The following EYS variants were observed in gnomAD, a reference collection of about 807,000 sequenced individuals.
EYS encodes the protein EGF-like photoreceptor maintenance factor, also known as protein eyes shut homolog.
EYS carries 250 observed loss-of-function variants against 282.1 expected under a neutral mutation model. The ratio of observed to expected loss-of-function variants is 0.89; its 90% CI spans 0.80 to 0.98. The LOEUF is 0.98. Ranked by LOEUF, EYS falls within the 50% of genes least tolerant of loss-of-function variation. The pLI is 0.00. For synonymous variants in EYS, 1,355 were observed against 1,282.9 expected (o/e 1.06, Z -1.20); for missense variants, 4,016 against 3,709.0 (o/e 1.08, Z -2.15).
chr6:65,319,178 G>T (rs1769398861), intron 11 of EYS, among the ~76,000 whole-genome samples: 1 of 98,222 alleles, frequency 1.0e-5, no homozygotes, highest in Non-Finnish European at 1.9e-5. Context: ...GGCCAACATG[G>T]CAAAACCCCG....
At position 65,655,954 on chromosome 6, in the gene EYS, A is replaced by T. The variant is rs187152719; in HGVS notation, c.-447-16062T>A. Among the ~76,000 whole-genome samples, 107 of 151,986 alleles carry T rather than the reference A, an allele frequency of 7.0e-4. 1 individual carries two copies. Among genetic ancestry groups the T allele is most frequent in the Admixed American group, 2.4e-3 (36 of 15,218 alleles). The stretch of plus-strand genomic sequence containing the variant: ...ACATTGGTGTCATTTTTCCAACACC[A>T]TGTGCTCACTTCGTGTCTCTGCGTC... On this transcript the variant is annotated intron_variant, in intron 1 of 42. Transcript: ENST00000503581.
chr6:64,193,090 T>A (rs1765166595), intron 31 of EYS, among the ~76,000 whole-genome samples: 1 of 152,208 alleles, frequency 6.6e-6, no homozygotes, highest in Non-Finnish European at 1.5e-5. Flanking sequence ...TTTAAGTGTG[T>A]TTTGGTTTTT....
chr6:64,511,227 TATATATATATCATATATATATATG>T (rs1364877389), intron 26 of EYS, among the ~76,000 whole-genome samples: 1 of 125,856 alleles, frequency 7.9e-6, no homozygotes, highest in African/African-American at 3.9e-5. Context: ...TCTCTCTACA[TATATATATATCATATATATATATG>T]ATATATATAT....
At chr6:63,892,763 C>A (rs1011312391) in intron 35 of EYS, among the ~76,000 whole-genome samples, 1 of 151,998 alleles carries the variant, frequency 6.6e-6, no homozygotes, top group Non-Finnish European at 1.5e-5. Context: ...TTCTGTACAG[C>A]AAAAGAAACT....
At position 64,099,462 on chromosome 6, in the gene EYS, C is replaced by T. The variant is rs4710463; in HGVS notation, c.6425-17460G>A. 2.4e-3 allele frequency among the ~76,000 whole-genome samples: 368 copies of T among 152,268 alleles called. 9 individuals carry two copies. Among genetic ancestry groups the T allele is most frequent in the Admixed American group, 0.02 (311 of 15,300 alleles). On this transcript the variant is annotated intron_variant, in intron 31 of 42. Transcript: ENST00000503581. ...TTTGCCTAGCAAGGATGAAATTATA[C>T]CTTCACAGTCTTGTCTCAAGGTTAT... is the stretch of plus-strand genomic sequence containing the variant.
chr6:65,034,052 T>C (rs879943291), intron 13 of EYS, among the ~76,000 whole-genome samples: 1 of 152,156 alleles, frequency 6.6e-6, no homozygotes. Flanking sequence ...TTTTGAAGCT[T>C]TAAGACTTAA....
In EYS at chr6:64,964,495, G is replaced by T. The variant is rs560480852; in HGVS notation, c.2260-18581C>A. On this transcript the variant is annotated intron_variant, in intron 14 of 42. Transcript: ENST00000503581. ...TACATTTTTCTTTCCTGTCCACTGA[G>T]ATAATTCGTATATTCTAATTTTAGT... Among the ~76,000 whole-genome samples, 25 of 152,030 alleles carry T rather than the reference G, an allele frequency of 1.6e-4. No homozygotes were observed. In the East Asian group the frequency reaches 3.5e-3, roughly 21 times the overall value.
chr6:64,979,635 C>G (rs369453901), intron 14 of EYS, among the ~76,000 whole-genome samples: 1 of 151,266 alleles, frequency 6.6e-6, no homozygotes, highest in Non-Finnish European at 1.5e-5. Flanking sequence ...TAATTTATAG[C>G]TGTAATGGAA....
intron 22 of EYS, among the ~76,000 whole-genome samples, chr6:64,756,474 T>C (rs780241854): frequency 6.6e-6 from 1 of 152,186 alleles, no homozygotes; most frequent in South Asian, 2.1e-4. Flanking sequence ...TGGTTTCAGA[T>C]ACCTTAGATA....
chr6:64,098,822 C>G (rs1307186068), intron 31 of EYS, among the ~76,000 whole-genome samples: 1 of 151,952 alleles, frequency 6.6e-6, no homozygotes, highest in Admixed American at 6.6e-5. Context: ...TCAGGCTGGT[C>G]TCGAACTCCT....
At chr6:63,826,485 G>T (rs1771464645) in intron 36 of EYS, among the ~76,000 whole-genome samples, 1 of 152,190 alleles carries the variant, frequency 6.6e-6, no homozygotes, top group Non-Finnish European at 1.5e-5. Flanking sequence ...CTTAAGAGCT[G>T]TGAGACAGAA....
intron 33 of EYS, among the ~76,000 whole-genome samples, chr6:64,026,113 T>C (rs1323982339): frequency 6.6e-6 from 1 of 152,122 alleles, no homozygotes; most frequent in Non-Finnish European, 1.5e-5. Flanking sequence ...ACTATTCTGA[T>C]CAGTAGGGTC....
At chr6:65,278,134 T>C (rs1444674919) in intron 12 of EYS, among the ~76,000 whole-genome samples, 1 of 145,072 alleles carries the variant, frequency 6.9e-6, no homozygotes, top group South Asian at 2.1e-4. Flanking sequence ...ACTGGAATTA[T>C]AGCTTTGGCT....
chr6:65,278,753 T>C (rs1207615972), intron 12 of EYS, among the ~76,000 whole-genome samples: 1 of 152,172 alleles, frequency 6.6e-6, no homozygotes, highest in Admixed American at 6.6e-5. Context: ...TGACATGAGA[T>C]TGTACAACAG....
chr6:65,173,612 G>A (rs12215231), intron 12 of EYS, among the ~76,000 whole-genome samples: 6,389 of 150,844 alleles, frequency 0.042, 193 homozygotes, highest in Middle Eastern at 0.065. Flanking sequence ...ATTTCCATAT[G>A]AGAATATAAA....
At chr6:65,443,176 G>A (rs116600454) in intron 5 of EYS, among the ~76,000 whole-genome samples, 23,615 of 143,578 alleles carry the variant, frequency 0.16, 2,757 homozygotes, top group Middle Eastern at 0.27. Context: ...GCACATATGT[G>A]CACATCATAT....
chr6:65,613,788 C>A (rs1429189952), intron 2 of EYS, among the ~76,000 whole-genome samples: 1 of 151,812 alleles, frequency 6.6e-6, no homozygotes, highest in South Asian at 2.1e-4. Flanking sequence ...AAACACACTA[C>A]CTCGGTCTTC....
intron 28 of EYS, among the ~76,000 whole-genome samples, chr6:64,403,162 C>A (rs1280742827): frequency 6.6e-6 from 1 of 151,624 alleles, no homozygotes; most frequent in Non-Finnish European, 1.5e-5. Flanking sequence ...GTAATATTCC[C>A]TTGAGATAAA....
intron 22 of EYS, among the ~76,000 whole-genome samples, chr6:64,739,163 G>A (rs1330151014): frequency 6.6e-6 from 1 of 152,156 alleles, no homozygotes; most frequent in Non-Finnish European, 1.5e-5. Flanking sequence ...ATCATACAAG[G>A]TAGATGGGTT....
Sources: allele counts gnomAD v4.1 joint callset (sites outside exome capture counted in the v4.1 genomes callset), GRCh38; gene constraint gnomAD v4.1.1; transcripts MANE v1.5; gene names NCBI Gene and HGNC (gene_info 2026-07-23, HGNC 2026-07-21).